Variants in NOVA1 observed in about 807,000 individuals in gnomAD.
The protein encoded by NOVA1 is RNA-binding protein Nova-1.
A neutral mutation model predicts 38.0 loss-of-function variants in NOVA1; 7 were observed. The observed-to-expected ratio is 0.18, with a 90% CI of 0.10 to 0.35. NOVA1 has a LOEUF of 0.35. Ranked by LOEUF, NOVA1 falls within the 10% of genes least tolerant of loss-of-function variation. The pLI is 1.00. For synonymous variants in NOVA1, 270 were observed against 232.5 expected (o/e 1.16, Z -1.47); for missense variants, 460 against 616.0 (o/e 0.75, Z 2.68).
chr14:26,550,012 G>C (rs982062487), intron 2 of NOVA1, among the ~76,000 whole-genome samples: 1 of 152,134 alleles, frequency 6.6e-6, no homozygotes, highest in Non-Finnish European at 1.5e-5. Flanking sequence ...TTTAAAAATT[G>C]AATGCTAAGA....
intron 2 of NOVA1, among the ~76,000 whole-genome samples, chr14:26,505,012 G>GAGT (rs1555322798): frequency 6.6e-6 from 1 of 152,002 alleles, no homozygotes; most frequent in South Asian, 2.1e-4. Flanking sequence ...TTTGTCTTGA[G>GAGT]CTAGCTAGCC....
chr14:26,516,664 T>C (rs1888486420), intron 2 of NOVA1, among the ~76,000 whole-genome samples: 1 of 152,182 alleles, frequency 6.6e-6, no homozygotes, highest in Non-Finnish European at 1.5e-5. Context: ...AGGAACTGAC[T>C]ATATATATTT....
At chr14:26,543,040 T>C (rs1405752760) in intron 2 of NOVA1, among the ~76,000 whole-genome samples, 4 of 151,940 alleles carry the variant, frequency 2.6e-5, no homozygotes, top group East Asian at 1.9e-4. Flanking sequence ...AAGAGTGGAA[T>C]TGGAATTCTC....
intron 2 of NOVA1, among the ~76,000 whole-genome samples, chr14:26,496,408 C>T (rs540076528): frequency 9.2e-5 from 14 of 151,960 alleles, no homozygotes; most frequent in Admixed American, 5.3e-4. Context: ...TTGTCAGATG[C>T]GTAGGTTGCA....
chr14:26,455,070 A>C (rs1056128399), intron 4 of NOVA1, among the ~76,000 whole-genome samples: 3 of 152,218 alleles, frequency 2.0e-5, no homozygotes, highest in African/African-American at 7.2e-5. Flanking sequence ...GAAGTATCCA[A>C]AAGAATTTAA....
Position 26,595,561 on chromosome 14 carries a change from A to T in NOVA1, c.137-8T>A, listed in dbSNP as rs760093405. ...GAAAATACTGGCCGTCTTCTGAAAA[A>T]TGCAAAGAAATATACTCGGTTAACA... is the stretch of plus-strand genomic sequence containing the variant. On this transcript the variant is annotated splice_polypyrimidine_tract_variant and splice_region_variant and intron_variant, in intron 1 of 4. Coordinates refer to ENST00000539517, the MANE Select transcript of NOVA1 (RefSeq NM_002515.3). The T allele has an allele frequency of 3.7e-6, 6 of 1,611,584 alleles. No individual in the cohort carries two copies. The highest frequency in any genetic ancestry group is 4.2e-6 in the Non-Finnish European group (5 of 1,179,164).
intron 2 of NOVA1, among the ~76,000 whole-genome samples, chr14:26,486,204 G>A (rs1274291488): frequency 6.6e-6 from 1 of 151,994 alleles, no homozygotes; most frequent in Non-Finnish European, 1.5e-5. Flanking sequence ...TTGGAGGTAT[G>A]TCTGTCTGTT....
At position 26,444,263 on chromosome 14, in the gene NOVA1, TCA is replaced by T. The variant is rs1449212139; in HGVS notation, c.*3694_*3695del. 1 of 152,122 alleles carries T rather than the reference TCA, an allele frequency of 6.6e-6. No homozygotes were observed. The highest frequency in any genetic ancestry group is 2.4e-5 in the African/African-American group (1 of 41,448). The allele number at this position is 152,122 out of a possible 1,614,324, so 9.4% of individuals were successfully genotyped here. On this transcript the variant is annotated 3_prime_UTR_variant, in exon 5 of 5. Transcript: ENST00000539517. ...TTTTTTTCCAATAAAAAAATAAATC[TCA>T]TACATTAGAAGTGGTACACAAAAAA...
intron 2 of NOVA1, among the ~76,000 whole-genome samples, chr14:26,533,354 C>A (rs1056385054): frequency 1.3e-5 from 2 of 152,164 alleles, no homozygotes; most frequent in African/African-American, 4.8e-5. Context: ...ATTAACCACT[C>A]CCACTTCCTT....
chr14:26,581,721 GC>G (rs1893238393), intron 2 of NOVA1, among the ~76,000 whole-genome samples: 1 of 151,816 alleles, frequency 6.6e-6, no homozygotes, highest in Non-Finnish European at 1.5e-5. Flanking sequence ...CCAGTGATGG[GC>G]AAATGTGGCA....
intron 2 of NOVA1, among the ~76,000 whole-genome samples, chr14:26,511,113 A>T (rs1398262539): frequency 2.6e-5 from 4 of 152,256 alleles, no homozygotes; most frequent in African/African-American, 7.2e-5. Flanking sequence ...TATCTGGCAC[A>T]TTTGAGATGA....
At chr14:26,501,465 A>G (rs1218851343) in intron 2 of NOVA1, among the ~76,000 whole-genome samples, 1 of 152,040 alleles carries the variant, frequency 6.6e-6, no homozygotes, top group Admixed American at 6.6e-5. Context: ...CAGACAAGCT[A>G]TTATTTCTTT....
At chr14:26,468,520 G>A (rs568800729) in intron 4 of NOVA1, among the ~76,000 whole-genome samples, 2 of 152,150 alleles carry the variant, frequency 1.3e-5, no homozygotes, top group Non-Finnish European at 2.9e-5. Flanking sequence ...AATGTGTGTT[G>A]CTTAAGCCAC....
intron 2 of NOVA1, chr14:26,519,144 C>T (rs1594452073): frequency 6.6e-6 from 1 of 152,088 alleles, no homozygotes; most frequent in African/African-American, 2.4e-5. Context: ...AAATGTATTT[C>T]AAATTTATAT....
chr14:26,511,324 A>C (rs1888066764), intron 2 of NOVA1, among the ~76,000 whole-genome samples: 1 of 152,192 alleles, frequency 6.6e-6, no homozygotes. Context: ...TAACATAGAG[A>C]AAAAATACCT....
intron 3 of NOVA1, among the ~76,000 whole-genome samples, chr14:26,476,327 T>C (rs543213236): frequency 2.0e-4 from 31 of 151,826 alleles, no homozygotes; most frequent in South Asian, 1.0e-3. Context: ...TTCTTTTTTT[T>C]CCCCCCCAAA....
intron 2 of NOVA1, among the ~76,000 whole-genome samples, chr14:26,496,360 T>C (rs1004112088): frequency 6.6e-6 from 1 of 152,172 alleles, no homozygotes; most frequent in African/African-American, 2.4e-5. Flanking sequence ...TTCTTGTAAA[T>C]TTGTTTCAGT....
At chr14:26,511,804 C>G (rs1041440837) in intron 2 of NOVA1, among the ~76,000 whole-genome samples, 13 of 151,280 alleles carry the variant, frequency 8.6e-5, no homozygotes, top group Non-Finnish European at 1.8e-4. Context: ...GTTGGGTAGG[C>G]AGGGAGACGA....
At chr14:26,492,477 T>C (rs1886419085) in intron 2 of NOVA1, among the ~76,000 whole-genome samples, 1 of 152,218 alleles carries the variant, frequency 6.6e-6, no homozygotes. Flanking sequence ...TTGAGTGTGA[T>C]GTTAGCTGCG....
Sources: allele counts gnomAD v4.1 joint callset (sites outside exome capture counted in the v4.1 genomes callset), GRCh38; gene constraint gnomAD v4.1.1; transcripts MANE v1.5; gene names NCBI Gene and HGNC (gene_info 2026-07-23, HGNC 2026-07-21).